RASAL2: variants seen among roughly 807,000 people sequenced by gnomAD.
RASAL2 encodes the protein RAS protein activator like 2, also known as ras GTPase-activating protein nGAP.
A neutral mutation model predicts 128.9 loss-of-function variants in RASAL2; 58 were observed. The observed-to-expected ratio is 0.45, with a 90% CI of 0.36 to 0.56. RASAL2 has a LOEUF of 0.56. Ranked by LOEUF, RASAL2 falls within the 20% of genes least tolerant of loss-of-function variation. The pLI, the probability that RASAL2 is intolerant of heterozygous loss-of-function variation, is 0.00. For synonymous variants in RASAL2, 561 were observed against 580.8 expected (o/e 0.97, Z 0.49); for missense variants, 1,360 against 1,601.6 (o/e 0.85, Z 2.57).
At chr1:178,407,910 G>A (rs903944559) in intron 4 of RASAL2, among the ~76,000 whole-genome samples, 9 of 152,258 alleles carry the variant, frequency 5.9e-5, no homozygotes, top group South Asian at 2.1e-4. Context: ...ACAGCTAGCC[G>A]AGTTCAGTCT....
intron 1 of RASAL2, among the ~76,000 whole-genome samples, chr1:178,208,487 C>T (rs186143392): frequency 3.9e-5 from 6 of 152,242 alleles, no homozygotes; most frequent in Admixed American, 1.3e-4. Flanking sequence ...AAAAACTCCG[C>T]GCTAGTAAAT....
rs1399946811 is a variant in RASAL2 at position 178,217,517 on chromosome 1, G to A, written c.203-66047G>A. ...ATTTATGAGTTTTGACAAGCTACAG[G>A]CATACTGCAGATATTGTGTGTTCAG... On this transcript the variant is annotated intron_variant, in intron 1 of 17. Coordinates refer to ENST00000367649, the MANE Select transcript of RASAL2 (RefSeq NM_170692.4). Among the ~76,000 whole-genome samples, 3 of 152,104 alleles carry A rather than the reference G, an allele frequency of 2.0e-5. No homozygotes were observed. In the East Asian group the frequency reaches 5.8e-4, roughly 29 times the overall value.
In RASAL2 at chr1:178,442,663, G is replaced by T; in HGVS notation, c.928-12G>T. 2 of 1,554,356 alleles carry T rather than the reference G, an allele frequency of 1.3e-6. No individual in the cohort carries two copies. Among genetic ancestry groups the T allele is most frequent in the Non-Finnish European group, 8.6e-7 (1 of 1,157,080 alleles). Reference sequence around the variant, plus strand: ...GTCAGCTCTGAAATTCAGCTTTGTTGCCTCTTTATAGGACAATTGCAGGCG... The same window carrying T: ...GTCAGCTCTGAAATTCAGCTTTGTTTCCTCTTTATAGGACAATTGCAGGCG... On this transcript the variant is annotated splice_polypyrimidine_tract_variant and intron_variant, in intron 7 of 17. Transcript: ENST00000367649.
intron 3 of RASAL2, chr1:178,372,094 A>AG (rs1157349158): frequency 5.7e-6 from 5 of 874,054 alleles, no homozygotes. Flanking sequence ...TTCAGAGTGG[A>AG]GGGAGGATCA....
intron 1 of RASAL2, among the ~76,000 whole-genome samples, chr1:178,094,928 C>A (rs1490821073): frequency 1.3e-5 from 2 of 152,082 alleles, no homozygotes; most frequent in African/African-American, 4.8e-5. Flanking sequence ...AAGTTTAATG[C>A]GGGAGTTGGG....
intron 3 of RASAL2, among the ~76,000 whole-genome samples, chr1:178,350,766 G>A (rs1670427746): frequency 6.6e-6 from 1 of 152,162 alleles, no homozygotes; most frequent in Non-Finnish European, 1.5e-5. Context: ...CCACTGTTAT[G>A]TCCCATTTCC....
chr1:178,178,611 T>C (rs1165020458), intron 1 of RASAL2, among the ~76,000 whole-genome samples: 1 of 152,178 alleles, frequency 6.6e-6, no homozygotes, highest in Non-Finnish European at 1.5e-5. Context: ...ATGTATGATT[T>C]CTCCTTCGCA....
intron 3 of RASAL2, among the ~76,000 whole-genome samples, chr1:178,314,343 A>G (rs1218990474): frequency 1.3e-5 from 2 of 152,200 alleles, no homozygotes; most frequent in Admixed American, 6.5e-5. Flanking sequence ...CAGTTTTCCA[A>G]GTAGTATTGG....
intron 3 of RASAL2, among the ~76,000 whole-genome samples, chr1:178,369,352 G>C (rs1460506839): frequency 6.6e-6 from 1 of 152,024 alleles, no homozygotes; most frequent in Non-Finnish European, 1.5e-5. Flanking sequence ...CTCCCGAGTA[G>C]CTGGGATTAC....
Position 178,111,171 on chromosome 1 carries a change from G to T in RASAL2, c.202+16477G>T, listed in dbSNP as rs985430342. Among the ~76,000 whole-genome samples, 3 of 152,058 alleles carry T rather than the reference G, an allele frequency of 2.0e-5. No individual in the cohort carries two copies. The East Asian group carries it at 5.8e-4, about 29-fold the overall frequency. ...ATATTCTACAATTGTTTGCCAGCTCGCCTTTTGATGAACATTTGAGTTGTT... is the reference window on the plus strand; with the variant it reads ...ATATTCTACAATTGTTTGCCAGCTCTCCTTTTGATGAACATTTGAGTTGTT... On this transcript the variant is annotated intron_variant, in intron 1 of 17. Coordinates refer to ENST00000367649, the MANE Select transcript of RASAL2 (RefSeq NM_170692.4).
chr1:178,228,055 G>A (rs1258509650), intron 1 of RASAL2, among the ~76,000 whole-genome samples: 1 of 152,172 alleles, frequency 6.6e-6, no homozygotes, highest in Non-Finnish European at 1.5e-5. Context: ...ACTAACGTGA[G>A]TGATATTAGG....
chr1:178,283,277 C>T (rs959031337), intron 1 of RASAL2, among the ~76,000 whole-genome samples: 2 of 152,124 alleles, frequency 1.3e-5, no homozygotes, highest in Non-Finnish European at 2.9e-5. Context: ...TCTGAAGCAA[C>T]CTCTCATTAT....
chr1:178,191,364 T>C (rs983628611), intron 1 of RASAL2, among the ~76,000 whole-genome samples: 2 of 151,156 alleles, frequency 1.3e-5, no homozygotes, highest in Non-Finnish European at 1.5e-5. Flanking sequence ...AAAAAACACA[T>C]ACAAAAACAA....
At chr1:178,180,725 A>G (rs1407688062) in intron 1 of RASAL2, among the ~76,000 whole-genome samples, 1 of 149,558 alleles carries the variant, frequency 6.7e-6, no homozygotes, top group African/African-American at 2.5e-5. Context: ...CATTATTGCG[A>G]CTCTAACCAC....
intron 3 of RASAL2, among the ~76,000 whole-genome samples, chr1:178,351,541 C>T (rs1261493670): frequency 6.6e-6 from 1 of 152,016 alleles, no homozygotes; most frequent in African/African-American, 2.4e-5. Flanking sequence ...ACCATCCTGG[C>T]TAACACAGTG....
At chr1:178,235,871 C>G (rs1664210673) in intron 1 of RASAL2, among the ~76,000 whole-genome samples, 1 of 152,002 alleles carries the variant, frequency 6.6e-6, no homozygotes, top group South Asian at 2.1e-4. Context: ...ATTTTCTTAT[C>G]TAAGAGAAAG....
intron 3 of RASAL2, among the ~76,000 whole-genome samples, chr1:178,352,090 T>C (rs1670543314): frequency 6.6e-6 from 1 of 152,234 alleles, no homozygotes; most frequent in Non-Finnish European, 1.5e-5. Context: ...GGCCAACAAC[T>C]GTTCCAGAAT....
chr1:178,402,164 C>T (rs540558140), intron 4 of RASAL2, among the ~76,000 whole-genome samples: 2 of 152,146 alleles, frequency 1.3e-5, no homozygotes, highest in East Asian at 3.9e-4. Context: ...GCCTGTAATC[C>T]CAGCACTTTG....
intron 1 of RASAL2, among the ~76,000 whole-genome samples, chr1:178,119,373 G>A (rs546421824): frequency 3.3e-5 from 5 of 152,304 alleles, no homozygotes; most frequent in Non-Finnish European, 7.4e-5. Context: ...GTGAACAGGC[G>A]TGAGTTAAGG....
Sources: allele counts gnomAD v4.1 joint callset (sites outside exome capture counted in the v4.1 genomes callset), GRCh38; gene constraint gnomAD v4.1.1; transcripts MANE v1.5; gene names NCBI Gene and HGNC (gene_info 2026-07-23, HGNC 2026-07-21).